MRPL42: variants seen among roughly 807,000 people sequenced by gnomAD.
The protein encoded by MRPL42 is large ribosomal subunit protein mL42.
Under a neutral mutation model 17.9 loss-of-function variants are expected in MRPL42, and 17 were observed. The ratio of observed to expected loss-of-function variants is 0.95; its 90% CI spans 0.65 to 1.42. The LOEUF (loss-of-function observed/expected upper bound fraction) is 1.42. MRPL42 is among the 40% of genes most tolerant of loss of function. The pLI is 0.00. For synonymous variants in MRPL42, 59 were observed against 54.4 expected (o/e 1.08, Z -0.37); for missense variants, 177 against 175.2 (o/e 1.01, Z -0.06).
chr12:93,473,936 G>A (rs1021112129), intron 2 of MRPL42, among the ~76,000 whole-genome samples: 5 of 152,092 alleles, frequency 3.3e-5, no homozygotes, highest in African/African-American at 1.2e-4. Flanking sequence ...ACTTTTTAAT[G>A]TGTAGGCACT....
At chr12:93,488,127 T>C (rs1052531756) in intron 5 of MRPL42, among the ~76,000 whole-genome samples, 2 of 152,104 alleles carry the variant, frequency 1.3e-5, no homozygotes, top group Non-Finnish European at 2.9e-5. Flanking sequence ...CATGCCACTA[T>C]GCCCAGCTAA....
In MRPL42 at chr12:93,487,632, A is replaced by G. The variant is rs192865946; in HGVS notation, c.355A>G (p.Thr119Ala). The G allele has an allele frequency of 6.3e-5, 102 of 1,613,222 alleles. No individual in the cohort carries two copies. In the African/African-American group the frequency reaches 1.2e-3, roughly 19 times the overall value. ...ACAACTTAGCAAAATGTTCTTTACT[A>G]CTAAGCACCGTTGGTATCCTCATGG... ...IEQLSKMFFTTKHRWYPHGRY... is the reference protein window; with the variant it reads ...IEQLSKMFFTAKHRWYPHGRY... Residue 119 changes from threonine (T) to alanine (A), a missense_variant, in exon 5 of 6, where the codon ACT becomes GCT. By Grantham distance (58) the Thr-to-Ala change is moderately conservative. Transcript: ENST00000549982.
At chr12:93,470,370 A>C in intron 2 of MRPL42, 1 of 939,012 alleles carries the variant, frequency 1.1e-6, no homozygotes, top group Non-Finnish European at 1.4e-6. Context: ...TCTTATAAAC[A>C]GCTCTTATAG....
At chr12:93,492,235 A>G (rs990784697) in intron 5 of MRPL42, among the ~76,000 whole-genome samples, 10 of 152,246 alleles carry the variant, frequency 6.6e-5, no homozygotes, top group Non-Finnish European at 1.2e-4. Flanking sequence ...CATTCCCACC[A>G]ATAGTATGTA....
Position 93,479,451 on chromosome 12 carries a change from C to T in MRPL42, c.198C>T (p.Asp66=), listed in dbSNP as rs746803343. Residue 66 remains aspartate (D), a synonymous_variant, in exon 4 of 6, where the codon GAC becomes GAT. Coordinates refer to ENST00000549982, the MANE Select transcript of MRPL42 (RefSeq NM_014050.4). ...RTIVCYHPSV[D]IPYEHTKPIP... ...TAGTATGCTACCACCCTTCTGTGGA[C>T]ATTCCATATGAACACACAAAAGTAT... 6 of 1,609,638 alleles carry T rather than the reference C, an allele frequency of 3.7e-6. No individual in the cohort carries two copies. Among genetic ancestry groups the T allele is most frequent in the Non-Finnish European group, 5.1e-6 (6 of 1,177,470 alleles).
intron 1 of MRPL42, 147 bp from the exon 2 acceptor site, chr12:93,469,045 G>T: frequency 2.2e-6 from 1 of 456,988 alleles, no homozygotes; most frequent in South Asian, 4.0e-5. Context: ...TCTTCGTCCT[G>T]TTGTTCAATC....
chr12:93,511,649 G>A lies in MRPL42; in HGVS notation c.*10428G>A, dbSNP rs567512359. 1.3e-5 allele frequency: 2 copies of A among 152,272 alleles called. No homozygotes were observed. Among genetic ancestry groups the A allele is most frequent in the South Asian group, 4.1e-4 (2 of 4,832 alleles). The allele number at this position is 152,272 out of a possible 1,614,324, so 9.4% of individuals were successfully genotyped here. A position where few individuals can be genotyped will look rare whatever the true frequency, so the allele number is the denominator to read the frequency against. ...ATTAATATATAGATATTACTAATAT[G>A]GCAATTAGTTTATATGCTATTTGAA... On this transcript the variant is annotated 3_prime_UTR_variant, in exon 6 of 6. Transcript: ENST00000549982.
At chr12:93,501,030 C>T in intron 5 of MRPL42, 146 bp from the exon 6 acceptor site, 1 of 572,848 alleles carries the variant, frequency 1.7e-6, no homozygotes, top group African/African-American at 2.1e-5. Flanking sequence ...GAGAATGTGG[C>T]TTATTACTAA....
intron 5 of MRPL42, among the ~76,000 whole-genome samples, chr12:93,494,413 A>C (rs1039578644): frequency 1.3e-5 from 2 of 152,230 alleles, no homozygotes; most frequent in African/African-American, 4.8e-5. Flanking sequence ...GATAGAGCTA[A>C]CAAGATTCGC....
chr12:93,484,167 CTCTAAAATAATGA>C (rs1310305741), intron 4 of MRPL42, among the ~76,000 whole-genome samples: 2 of 152,066 alleles, frequency 1.3e-5, no homozygotes, highest in African/African-American at 4.8e-5. Context: ...TAGGAGTACG[CTCTAAAATAATGA>C]TAAAAAGTAT....
At position 93,478,645 on chromosome 12, in the gene MRPL42, G is replaced by A. The variant is rs188863804; in HGVS notation, c.135-743G>A. Among the ~76,000 whole-genome samples, 308 of 152,284 alleles carry A rather than the reference G, an allele frequency of 2.0e-3. 7 individuals carry two copies. The highest frequency in any genetic ancestry group is 7.7e-4 in the East Asian group (4 of 5,194). On this transcript the variant is annotated intron_variant, in intron 3 of 5. Transcript: ENST00000549982. ...AACCTGGAAAGACTGAGTCATATAA[G>A]TGTTTTGCATTATATAAAACTATCT...
Position 93,513,183 on chromosome 12 carries a change from A to ATTTTTTTTTT in MRPL42, c.*11977_*11986dup, listed in dbSNP as rs58784396. 7 of 89,144 alleles carry ATTTTTTTTTT rather than the reference A, an allele frequency of 7.9e-5. 1 individual carries two copies. Among genetic ancestry groups the ATTTTTTTTTT allele is most frequent in the African/African-American group, 2.3e-4 (5 of 21,704 alleles). 5.5% of individuals were successfully genotyped at this position (89,144 alleles called of 1,614,324 possible). A position where few individuals can be genotyped will look rare whatever the true frequency, so the allele number is the denominator to read the frequency against. On this transcript the variant is annotated 3_prime_UTR_variant, in exon 6 of 6. Coordinates refer to ENST00000549982, the MANE Select transcript of MRPL42 (RefSeq NM_014050.4). Reference sequence around the variant, plus strand: ...AACCAGCTCATTTGTGACATTTAGAATTTTTTTTTTTTTTTTTTTTTTTTG... The same window carrying ATTTTTTTTTT: ...AACCAGCTCATTTGTGACATTTAGAATTTTTTTTTTTTTTTTTTTTTTTTTTTTTTTTTTG...
At chr12:93,470,993 C>G (rs1390453590) in intron 2 of MRPL42, among the ~76,000 whole-genome samples, 6 of 152,092 alleles carry the variant, frequency 3.9e-5, no homozygotes, top group Non-Finnish European at 7.3e-5. Context: ...TATTTACCAC[C>G]ATTTGTAATT....
intron 4 of MRPL42, 24 bp from the exon 5 acceptor site, chr12:93,487,473 T>A (rs749361739): frequency 2.5e-6 from 4 of 1,587,676 alleles, no homozygotes; most frequent in Non-Finnish European, 3.4e-6. Context: ...ATCTTCATGA[T>A]GTTTGTTACT....
Position 93,504,041 on chromosome 12 carries a change from A to G in MRPL42, c.*2820A>G, listed in dbSNP as rs563488021. 6.6e-6 allele frequency: 1 copy of G among 151,002 alleles called. No homozygotes were observed. Among genetic ancestry groups the G allele is most frequent in the East Asian group, 2.0e-4 (1 of 5,092 alleles). The allele number at this position is 151,002 out of a possible 1,614,324, so 9.4% of individuals were successfully genotyped here. A position where few individuals can be genotyped will look rare whatever the true frequency, so the allele number is the denominator to read the frequency against. ...TATAATCTCATCAGAAGCTGGCAAGATCATTACTGTTTTCTTAGATTTGTT... is the reference window on the plus strand; with the variant it reads ...TATAATCTCATCAGAAGCTGGCAAGGTCATTACTGTTTTCTTAGATTTGTT... On this transcript the variant is annotated 3_prime_UTR_variant, in exon 6 of 6. Transcript: ENST00000549982.
intron 4 of MRPL42, among the ~76,000 whole-genome samples, chr12:93,483,374 G>A (rs916897294): frequency 5.3e-5 from 8 of 152,144 alleles, no homozygotes; most frequent in Non-Finnish European, 1.0e-4. Flanking sequence ...TGTCACTTAC[G>A]CAAACCTAGA....
chr12:93,500,366 C>T (rs1953566366), intron 5 of MRPL42, among the ~76,000 whole-genome samples: 1 of 152,122 alleles, frequency 6.6e-6, no homozygotes, highest in African/African-American at 2.4e-5. Flanking sequence ...TTTAACCAGT[C>T]GGGTCTCATA....
intron 2 of MRPL42, among the ~76,000 whole-genome samples, chr12:93,473,783 G>T (rs1215456506): frequency 6.6e-6 from 1 of 151,800 alleles, no homozygotes; most frequent in Admixed American, 6.6e-5. Context: ...GCCCAGGCTG[G>T]TCTTGAACTC....
chr12:93,506,908 G>T lies in MRPL42; in HGVS notation c.*5687G>T, dbSNP rs1953676935. ...CAGGTGTAATTACCATAAGAGCATA[G>T]AAGATAGAATCGTAAAGCTGAAAGA... On this transcript the variant is annotated 3_prime_UTR_variant, in exon 6 of 6. Coordinates refer to ENST00000549982, the MANE Select transcript of MRPL42 (RefSeq NM_014050.4). 6.6e-6 allele frequency: 1 copy of T among 152,154 alleles called. No homozygotes were observed. The allele number at this position is 152,154 out of a possible 1,614,324, so 9.4% of individuals were successfully genotyped here.
Sources: gnomAD v4.1 joint callset for allele counts (sites outside exome capture counted in the v4.1 genomes callset) on GRCh38, gnomAD v4.1.1 for gene constraint, MANE v1.5 for transcripts, NCBI Gene and HGNC (gene_info 2026-07-23, HGNC 2026-07-21) for gene names.